TBC1D1: variants seen among roughly 807,000 people sequenced by gnomAD.
TBC1D1 encodes the protein TBC1 (tre-2/USP6, BUB2, cdc16) domain family, member 1.
In TBC1D1, 89 loss-of-function variants were observed where a neutral mutation model predicts 125.6. That is an observed-to-expected ratio of 0.71 (90% CI 0.60 to 0.85). The LOEUF (loss-of-function observed/expected upper bound fraction) is 0.85. Ranked by LOEUF, TBC1D1 falls within the 40% of genes least tolerant of loss-of-function variation. The probability of loss-of-function intolerance (pLI) is 0.00; values close to 1 mark genes in which losing one functional copy is unlikely to be tolerated. For synonymous variants in TBC1D1, 565 were observed against 564.1 expected, an observed-to-expected ratio of 1.00 and a Z score of -0.02; for missense variants, 1,377 against 1,469.2, an observed-to-expected ratio of 0.94 and a Z score of 1.03.
intron 6 of TBC1D1, among the ~76,000 whole-genome samples, chr4:38,025,998 C>T (rs555125826): frequency 2.3e-4 from 35 of 151,954 alleles, no homozygotes; most frequent in Admixed American, 1.1e-3. Flanking sequence ...GTTTGGTTGC[C>T]GGAGGCAACT....
intron 12 of TBC1D1, among the ~76,000 whole-genome samples, chr4:38,087,858 A>G (rs1301427706): frequency 5.3e-5 from 7 of 131,612 alleles, no homozygotes; most frequent in Admixed American, 2.2e-4. Context: ...AAAAAAAAAA[A>G]AAAAGAAAAA....
At chr4:37,962,753 A>AT (rs1730298076) in intron 2 of TBC1D1, among the ~76,000 whole-genome samples, 2 of 152,066 alleles carry the variant, frequency 1.3e-5, no homozygotes, top group South Asian at 4.1e-4. Flanking sequence ...ATTCTTGGTA[A>AT]TTTTTTCAGG....
In TBC1D1 at chr4:38,087,043, G is replaced by A. The variant is rs552580636; in HGVS notation, c.2051-2889G>A. ...CCTTATTTGTTTTAGCTGGAAAATG[G>A]AGATCATAATATCACCTGTCCTATG... On this transcript the variant is annotated intron_variant, in intron 12 of 19. Transcript: ENST00000261439. Among the ~76,000 whole-genome samples the A allele has an allele frequency of 3.3e-5, 5 of 152,246 alleles. No individual in the cohort carries two copies. The South Asian group carries it at 1.0e-3, about 32-fold the overall frequency.
chr4:37,962,084 G>A (rs1280047109), intron 2 of TBC1D1, among the ~76,000 whole-genome samples: 5 of 152,174 alleles, frequency 3.3e-5, no homozygotes, highest in Non-Finnish European at 7.4e-5. Context: ...ATGAGGGCAG[G>A]GACCATCTCT....
At chr4:38,117,945 C>G (rs1259213751) in intron 16 of TBC1D1, 88 bp from the exon 19 acceptor site, 1 of 1,226,982 alleles carries the variant, frequency 8.2e-7, no homozygotes, top group South Asian at 1.3e-5. Context: ...AGTAAGTCTT[C>G]TCTTACACCC....
chr4:37,989,605 TTTCTGTTGTTCTAGCACATTC>T (rs1361620817), intron 2 of TBC1D1, among the ~76,000 whole-genome samples: 11 of 152,264 alleles, frequency 7.2e-5, no homozygotes, highest in African/African-American at 2.7e-4. Flanking sequence ...ATTTAGATTC[TTTCTGTTGTTCTAGCACATTC>T]TGCATGAATT....
chr4:37,995,887 G>A lies in TBC1D1; in HGVS notation c.418-18622G>A. ...TTCTCTTTGAGAATCCAGACTTCTG[G>A]CTTAACCATGGCAAGCAGCGACAGG... On this transcript the variant is annotated intron_variant, in intron 2 of 19. Coordinates refer to ENST00000261439, the MANE Select transcript of TBC1D1 (RefSeq NM_015173.4). The surrounding 1 kb of genome is among the most constrained non-coding windows in gnomAD (Gnocchi z 4.3). 1 of 580,514 alleles carries A rather than the reference G, an allele frequency of 1.7e-6. No homozygotes were observed. The highest frequency in any genetic ancestry group is 1.4e-5 in the South Asian group (1 of 72,820). The allele number at this position is 580,514 out of a possible 1,614,324, so 36.0% of individuals were successfully genotyped here.
intron 2 of TBC1D1, among the ~76,000 whole-genome samples, chr4:37,990,563 T>C (rs969122266): frequency 6.6e-6 from 1 of 152,242 alleles, no homozygotes; most frequent in Non-Finnish European, 1.5e-5. Flanking sequence ...CTAGTACATC[T>C]AAGGCCAAAG....
At chr4:37,899,553 C>G (rs1715382786) in intron 1 of TBC1D1, among the ~76,000 whole-genome samples, 1 of 151,734 alleles carries the variant, frequency 6.6e-6, no homozygotes, top group Admixed American at 6.6e-5. Context: ...GCTTCAGTTT[C>G]CTAGTTCATC....
chr4:37,978,960 C>G (rs754029071), intron 2 of TBC1D1, among the ~76,000 whole-genome samples: 4 of 152,244 alleles, frequency 2.6e-5, no homozygotes, highest in Non-Finnish European at 5.9e-5. Flanking sequence ...CACTGCAACC[C>G]CCACCTACCA....
At chr4:38,082,291 A>G (rs189168645) in intron 12 of TBC1D1, among the ~76,000 whole-genome samples, 2 of 152,316 alleles carry the variant, frequency 1.3e-5, no homozygotes, top group East Asian at 3.9e-4. Context: ...CCAGCTTCCC[A>G]GACACAGCCC....
chr4:37,901,034 T>C (rs1166305404), intron 1 of TBC1D1, among the ~76,000 whole-genome samples: 1 of 146,804 alleles, frequency 6.8e-6, no homozygotes, highest in African/African-American at 2.5e-5. Flanking sequence ...ATCGTGCCAC[T>C]GCACTCCAGC....
At chr4:37,982,356 T>A (rs1049359985) in intron 2 of TBC1D1, among the ~76,000 whole-genome samples, 8 of 152,230 alleles carry the variant, frequency 5.3e-5, no homozygotes, top group African/African-American at 4.8e-5. Context: ...TGTATTGTTT[T>A]AAAATTTTTT....
intron 2 of TBC1D1, among the ~76,000 whole-genome samples, chr4:37,946,104 T>C (rs1726644513): frequency 1.3e-5 from 2 of 152,206 alleles, no homozygotes; most frequent in African/African-American, 4.8e-5. Context: ...CAGTTAAAAA[T>C]TGGCAAAAGC....
In TBC1D1 at chr4:37,938,795, G is replaced by A. The variant is rs866071894; in HGVS notation, c.417+36283G>A. ...GCGGTGTTTGGTTTTCTGTTCTTGC[G>A]ATAGTTTGCTGAGAATGATGGTTTC... On this transcript the variant is annotated intron_variant, in intron 2 of 19. Coordinates refer to ENST00000261439, the MANE Select transcript of TBC1D1 (RefSeq NM_015173.4). Among the ~76,000 whole-genome samples the A allele has an allele frequency of 7.2e-5, 11 of 152,210 alleles. No homozygotes were observed. The Middle Eastern group carries it at 0.014, about 188-fold the overall frequency.
intron 10 of TBC1D1, among the ~76,000 whole-genome samples, chr4:38,047,075 C>T (rs1228352675): frequency 6.6e-6 from 1 of 152,204 alleles, no homozygotes; most frequent in Non-Finnish European, 1.5e-5. Context: ...ATTAAAAGTT[C>T]ACAAAACAAT....
intron 13 of TBC1D1, among the ~76,000 whole-genome samples, chr4:38,090,707 G>T (rs1264614337): frequency 3.3e-5 from 5 of 152,198 alleles, no homozygotes; most frequent in African/African-American, 1.2e-4. Context: ...CTTCAAAGTA[G>T]CTTAAGATGC....
intron 1 of TBC1D1, among the ~76,000 whole-genome samples, chr4:37,899,158 T>C (rs3860062): frequency 0.27 from 40,244 of 151,048 alleles, 5,595 homozygotes; most frequent in African/African-American, 0.3. Context: ...AAAGAAAGAG[T>C]AGTTGGTGAA....
At chr4:38,026,886 A>G (rs1745192290) in intron 6 of TBC1D1, among the ~76,000 whole-genome samples, 2 of 151,820 alleles carry the variant, frequency 1.3e-5, no homozygotes, top group South Asian at 4.1e-4. Context: ...TGAAGTTATT[A>G]ATAAGCATGT....
Sources: gnomAD v4.1 joint callset for allele counts (sites outside exome capture counted in the v4.1 genomes callset) on GRCh38, gnomAD v4.1.1 for gene constraint, Gnocchi (gnomAD v3.1) non-coding constraint, MANE v1.5 for transcripts, NCBI Gene and HGNC (gene_info 2026-07-23, HGNC 2026-07-21) for gene names.